The following ARPP21 variants were observed in gnomAD, a reference collection of about 807,000 sequenced individuals.
The protein encoded by ARPP21 is cAMP regulated phosphoprotein 21.
Under a neutral mutation model 113.2 loss-of-function variants are expected in ARPP21, and 69 were observed. That is an observed-to-expected ratio of 0.61 (90% CI 0.50 to 0.74). ARPP21 has a LOEUF of 0.74. Ranked by LOEUF, ARPP21 falls within the 30% of genes least tolerant of loss-of-function variation. ARPP21 has a pLI of 0.00. For missense variants in ARPP21, 1,070 were observed against 1,037.4 expected, an observed-to-expected ratio of 1.03 and a Z score of -0.43; for synonymous variants, 368 against 375.5, an observed-to-expected ratio of 0.98 and a Z score of 0.23.
chr3:35,762,588 C>G lies in ARPP21; in HGVS notation c.2137+18623C>G, dbSNP rs182286442. ...TGGGAAAGGAAAACATTCGTGACTA[C>G]TTACAACCATTTGATACGAGTTGTG... On this transcript the variant is annotated intron_variant, in intron 19 of 20. Transcript: ENST00000684406. 2.0e-3 allele frequency among the ~76,000 whole-genome samples: 311 copies of G among 152,180 alleles called. 1 individual carries two copies. Among genetic ancestry groups the G allele is most frequent in the African/African-American group, 6.7e-3 (280 of 41,554 alleles).
At chr3:35,736,512 T>C (rs1000518021) in intron 15 of ARPP21, among the ~76,000 whole-genome samples, 19 of 152,334 alleles carry the variant, frequency 1.2e-4, no homozygotes, top group African/African-American at 3.8e-4. Flanking sequence ...GTATTAATAA[T>C]AGTAAACCAT....
rs1383364979 is a variant in ARPP21, at chr3:35,655,615, G to A, written c.-213+15217G>A. ...GTGACTAAAATGAGCTGTACTGTAT[G>A]TCTTTTAAATGCCAATTGGTGATTC... On this transcript the variant is annotated intron_variant, in intron 1 of 20. Coordinates refer to ENST00000684406, the MANE Select transcript of ARPP21 (RefSeq NM_001385562.1). Among the ~76,000 whole-genome samples, 3 of 151,998 alleles carry A rather than the reference G, an allele frequency of 2.0e-5. No individual in the cohort carries two copies. In the East Asian group the frequency reaches 5.8e-4, roughly 29 times the overall value.
intron 1 of ARPP21, chr3:35,643,789 G>A (rs1268773158): frequency 3.3e-5 from 5 of 152,014 alleles, no homozygotes; most frequent in Non-Finnish European, 5.9e-5. Flanking sequence ...GGGCTTAAAG[G>A]TGATGTCGAC....
At chr3:35,728,864 C>T (rs1037405709) in intron 14 of ARPP21, among the ~76,000 whole-genome samples, 4 of 152,146 alleles carry the variant, frequency 2.6e-5, no homozygotes, top group African/African-American at 9.7e-5. Flanking sequence ...ATGAACTTCA[C>T]ATCATAGGGC....
At chr3:35,711,274 A>T (rs1482127687) in intron 11 of ARPP21, among the ~76,000 whole-genome samples, 1 of 152,198 alleles carries the variant, frequency 6.6e-6, no homozygotes, top group Non-Finnish European at 1.5e-5. Flanking sequence ...TTGAAGGATT[A>T]ACTGAAGTCC....
intron 19 of ARPP21, among the ~76,000 whole-genome samples, chr3:35,749,829 G>A (rs920524387): frequency 2.0e-5 from 3 of 152,104 alleles, no homozygotes. Context: ...CTTCCAAGTG[G>A]CTGAATTTAA....
chr3:35,667,993 GA>G (rs2075181400), intron 1 of ARPP21, among the ~76,000 whole-genome samples: 1 of 148,706 alleles, frequency 6.7e-6, no homozygotes, highest in Non-Finnish European at 1.5e-5. Flanking sequence ...AGAAGAAGAA[GA>G]AGAAGAAGAA....
chr3:35,687,781 G>A lies in ARPP21; in HGVS notation c.304G>A (p.Glu102Lys), dbSNP rs1209804946. 3 of 1,606,020 alleles carry A rather than the reference G, an allele frequency of 1.9e-6. No individual in the cohort carries two copies. The highest frequency in any genetic ancestry group is 2.2e-5 in the East Asian group (1 of 44,660). Residue 102 changes from glutamate (E) to lysine (K), a missense_variant, in exon 6 of 21, where the codon GAG becomes AAG. Transcript: ENST00000684406. ...GCTTTCCAGTTTTTCCAGCCTGCAA[G>A]AGGAGGATAAATCTAGGAAAGATGA... ...LQLSSFSSLQEEDKSRKDDSE... is the reference protein window; with the variant it reads ...LQLSSFSSLQKEDKSRKDDSE...
At chr3:35,716,563 A>G (rs2092431498) in intron 12 of ARPP21, among the ~76,000 whole-genome samples, 1 of 152,102 alleles carries the variant, frequency 6.6e-6, no homozygotes, top group Non-Finnish European at 1.5e-5. Flanking sequence ...ATATATTTAG[A>G]CAAATATTCC....
intron 15 of ARPP21, among the ~76,000 whole-genome samples, chr3:35,730,584 A>G (rs1272219380): frequency 2.0e-5 from 3 of 152,168 alleles, no homozygotes; most frequent in Non-Finnish European, 4.4e-5. Context: ...TTTATTAGAG[A>G]CTGGCAATAA....
chr3:35,670,338 C>G (rs538815988), intron 1 of ARPP21, among the ~76,000 whole-genome samples: 1 of 152,026 alleles, frequency 6.6e-6, no homozygotes, highest in East Asian at 1.9e-4. Flanking sequence ...TTACATTCAA[C>G]TCTCTCACTT....
At chr3:35,778,782 T>C (rs961825955) in intron 19 of ARPP21, among the ~76,000 whole-genome samples, 3 of 152,190 alleles carry the variant, frequency 2.0e-5, no homozygotes, top group African/African-American at 7.2e-5. Context: ...CACTTTTATC[T>C]TCTATAAAGT....
intron 1 of ARPP21, among the ~76,000 whole-genome samples, chr3:35,658,473 T>A (rs1477130251): frequency 6.6e-6 from 1 of 152,070 alleles, no homozygotes; most frequent in Non-Finnish European, 1.5e-5. Flanking sequence ...TGGAATTAAA[T>A]ATGAACAACT....
At position 35,793,948 on chromosome 3, in the gene ARPP21, T is replaced by G. The variant is rs1410779847; in HGVS notation, c.2534T>G (p.Val845Gly). The G allele has an allele frequency of 2.2e-5, 35 of 1,613,346 alleles. No individual in the cohort carries two copies. Among genetic ancestry groups the G allele is most frequent in the Non-Finnish European group, 3.0e-5 (35 of 1,179,554 alleles). Reference sequence around the variant, plus strand: ...AGTATGAGCAATGCTGGTTGGCAGGTCAAATTCTGAGAGCTCTGGCTGTGG... The same window carrying G: ...AGTATGAGCAATGCTGGTTGGCAGGGCAAATTCTGAGAGCTCTGGCTGTGG... ...CASMSNAGWQ[V>G]KF is the part of the protein sequence containing the mutation. The change falls in exon 21 of 21, where the codon GTC becomes GGC. Residue 845 changes from valine to glycine, a missense_variant. Val to Gly is a moderately radical substitution (Grantham distance 109). Transcript: ENST00000684406.
intron 19 of ARPP21, among the ~76,000 whole-genome samples, chr3:35,765,411 G>A (rs2095932841): frequency 6.6e-6 from 1 of 152,116 alleles, no homozygotes; most frequent in African/African-American, 2.4e-5. Context: ...GGGTAGAAGG[G>A]AAATGCTGTA....
At chr3:35,722,246 C>A (rs560918963) in intron 14 of ARPP21, among the ~76,000 whole-genome samples, 21 of 152,228 alleles carry the variant, frequency 1.4e-4, no homozygotes, top group Non-Finnish European at 2.1e-4. Context: ...TTTGCTGTTC[C>A]TTTTAAATTT....
intron 19 of ARPP21, chr3:35,785,359 G>T (rs1208098511): frequency 1.3e-5 from 2 of 152,128 alleles, no homozygotes; most frequent in Non-Finnish European, 2.9e-5. Flanking sequence ...TATGGGCCAG[G>T]AAAGTTCAGA....
chr3:35,752,395 A>G (rs886954533), intron 19 of ARPP21, among the ~76,000 whole-genome samples: 2 of 152,066 alleles, frequency 1.3e-5, no homozygotes, highest in African/African-American at 4.8e-5. Flanking sequence ...CCTGTCAGAA[A>G]TACAAACTTT....
intron 19 of ARPP21, among the ~76,000 whole-genome samples, chr3:35,781,786 G>GAA (rs532206290): frequency 3.5e-3 from 533 of 152,164 alleles, no homozygotes; most frequent in Non-Finnish European, 5.4e-3. Flanking sequence ...ACAAAATAAT[G>GAA]GAGAATCAGA....
Sources: allele counts gnomAD v4.1 joint callset (sites outside exome capture counted in the v4.1 genomes callset), GRCh38; gene constraint gnomAD v4.1.1; transcripts MANE v1.5; gene names NCBI Gene and HGNC (gene_info 2026-07-23, HGNC 2026-07-21).